The following SART1 variants were observed in gnomAD, a reference collection of about 807,000 sequenced individuals.
The protein encoded by SART1 is spliceosome associated factor 1, recruiter of U4/U6.U5 tri-snRNP.
A neutral mutation model predicts 105.0 loss-of-function variants in SART1; 28 were observed. The observed-to-expected ratio is 0.27, with a 90% CI of 0.20 to 0.37. The LOEUF is 0.37. Ranked by LOEUF, SART1 falls within the 10% of genes least tolerant of loss-of-function variation. SART1 has a pLI of 1.00. For synonymous variants in SART1, 472 were observed against 462.9 expected (o/e 1.02, Z -0.25); for missense variants, 894 against 1,106.5 (o/e 0.81, Z 2.72).
Position 65,967,714 on chromosome 11 carries a change from G to A in SART1, c.1465G>A (p.Val489Met). Residue 489 changes from valine (V) to methionine (M), a missense_variant, in exon 12 of 20, where the codon GTG (valine) becomes ATG (methionine). Physicochemically the swap from Val to Met is conservative, Grantham distance 21. Around this residue, in one of 2 missense-constraint regions of SART1, gnomAD observed 712 missense variants for 778.2 expected, o/e 0.91. Transcript: ENST00000312397. ...AGCTCCACCGCCGGGGTCCCCGCAGGTGCTGGAGGAGGACGAGGCGGAGCT... is the reference window on the plus strand; with the variant it reads ...AGCTCCACCGCCGGGGTCCCCGCAGATGCTGGAGGAGGACGAGGCGGAGCT... ...GGAPPPGSPQ[V>M]LEEDEAELEL... 1 of 1,561,162 alleles carries A rather than the reference G, an allele frequency of 6.4e-7. No homozygotes were observed. The highest frequency in any genetic ancestry group is 8.7e-7 in the Non-Finnish European group (1 of 1,152,662).
At chr11:65,963,821 A>C (rs1855194522) in intron 1 of SART1, among the ~76,000 whole-genome samples, 1 of 152,230 alleles carries the variant, frequency 6.6e-6, no homozygotes, top group South Asian at 2.1e-4. Context: ...AGTAGAGGGC[A>C]GAGTGGTGAC....
Position 65,977,025 on chromosome 11 carries a change from C to A in SART1, c.1869C>A (p.Ser623=). ...EEKQQQDFSA[S]STTILDEEPI... is the part of the protein sequence containing the mutation. ...CACGTGTCCCGTAGTTCTCTGCTTCCTCCACCACCATCCTGGACGAGGAAC... is the reference window on the plus strand; with the variant it reads ...CACGTGTCCCGTAGTTCTCTGCTTCATCCACCACCATCCTGGACGAGGAAC... Residue 623 remains serine, a synonymous_variant, in exon 15 of 20, where the codon TCC becomes TCA. Coordinates refer to ENST00000312397, the MANE Select transcript of SART1 (RefSeq NM_005146.5). The A allele has an allele frequency of 6.2e-7, 1 of 1,613,800 alleles. No homozygotes were observed. The highest frequency in any genetic ancestry group is 8.5e-7 in the Non-Finnish European group (1 of 1,179,738).
chr11:65,974,524 C>A (rs1855445328), intron 12 of SART1, among the ~76,000 whole-genome samples: 1 of 150,960 alleles, frequency 6.6e-6, no homozygotes, highest in African/African-American at 2.4e-5. Flanking sequence ...ACTAAAAATA[C>A]AAAAATTAGC....
chr11:65,967,018 C>T (rs1050288775), intron 9 of SART1, among the ~76,000 whole-genome samples: 1 of 152,096 alleles, frequency 6.6e-6, no homozygotes, highest in African/African-American at 2.4e-5. Flanking sequence ...CCAGACTGCC[C>T]AGCTCTCCCA....
chr11:65,978,463 C>A lies in SART1; in HGVS notation c.2173-137C>A. The stretch of plus-strand genomic sequence containing the variant: ...GGGTGCCAGCGTCTGTGCTCTTTTC[C>A]CATCCCCTTCCCACTGCACCCCAGG... On this transcript the variant is annotated intron_variant, in intron 17 of 19. Transcript: ENST00000312397. The surrounding 1 kb of genome is among the most constrained non-coding windows in gnomAD (Gnocchi z 6.8). The A allele has an allele frequency of 2.5e-6, 2 of 811,540 alleles. No individual in the cohort carries two copies. The highest frequency in any genetic ancestry group is 1.6e-5 in the South Asian group (1 of 62,380). 50.3% of individuals were successfully genotyped at this position (811,540 alleles called of 1,614,324 possible).
chr11:65,972,952 A>C (rs1855409397), intron 12 of SART1, among the ~76,000 whole-genome samples: 1 of 152,206 alleles, frequency 6.6e-6, no homozygotes, highest in African/African-American at 2.4e-5. Context: ...CGGGCGGATC[A>C]CGAGGTCAGG....
Position 65,978,718 on chromosome 11 carries a change from C to T in SART1, c.2262+29C>T, listed in dbSNP as rs977694434. On this transcript the variant is annotated intron_variant, in intron 18 of 19. Coordinates refer to ENST00000312397, the MANE Select transcript of SART1 (RefSeq NM_005146.5). The surrounding 1 kb of genome is among the most constrained non-coding windows in gnomAD (Gnocchi z 6.8). ...GGTGCCCTTGGGGATGTGGGGGGCC[C>T]TGTGCCTGCCGGGGCAGGGGTGGCT... 6.2e-6 allele frequency: 10 copies of T among 1,613,424 alleles called. No homozygotes were observed. In the Admixed American group the frequency reaches 1.7e-4, roughly 27 times the overall value.
rs745609696 is a variant in SART1, at chr11:65,965,685, C to G, written c.661-17C>G. ...TGAGTGGCCTGAAGTCCTAGGTCACCCCTCCCTGTCCCGTAGGCCAAGTTA... is the reference window on the plus strand; with the variant it reads ...TGAGTGGCCTGAAGTCCTAGGTCACGCCTCCCTGTCCCGTAGGCCAAGTTA... On this transcript the variant is annotated splice_polypyrimidine_tract_variant and intron_variant, in intron 5 of 19. Transcript: ENST00000312397. 1.9e-5 allele frequency: 31 copies of G among 1,610,754 alleles called. No individual in the cohort carries two copies. The highest frequency in any genetic ancestry group is 2.5e-5 in the Non-Finnish European group (30 of 1,178,152).
In SART1 at chr11:65,967,334, G is replaced by T; in HGVS notation, c.1264G>T (p.Asp422Tyr). 1 of 1,614,174 alleles carries T rather than the reference G, an allele frequency of 6.2e-7. No homozygotes were observed. Among genetic ancestry groups the T allele is most frequent in the South Asian group, 1.1e-5 (1 of 91,080 alleles). The change falls in exon 10 of 20, where the codon GAC becomes TAC. Residue 422 changes from aspartate to tyrosine, a missense_variant. Physicochemically the swap from Asp to Tyr is radical, Grantham distance 160 (BLOSUM62 -3). Transcript: ENST00000312397. ...GAAGGAGGTAGTAGTGCGGGCAGAT[G>T]ACTTGCTGCCTCTCGGGGACCAGAC... ...KEKEVVVRAD[D>Y]LLPLGDQTQD...
In SART1 at chr11:65,976,432, G is replaced by A. The variant is rs773748792; in HGVS notation, c.1610G>A (p.Arg537Gln). Reference protein sequence around the residue: ...EIVKKLESRQRGWEEDEDPER... With the variant: ...EIVKKLESRQQGWEEDEDPER... ...GTGAAGAAGCTGGAGTCTCGCCAGC[G>A]GGGCTGGGAGGAGGATGAGGATCCC... is the stretch of plus-strand genomic sequence containing the variant. The change falls in exon 13 of 20, where the codon CGG becomes CAG. Residue 537 changes from arginine (R) to glutamine (Q), a missense_variant. By Grantham distance (43) the Arg-to-Gln change is conservative. Transcript: ENST00000312397. This position sits in a 1 kb window ranked among gnomAD's most constrained non-coding sequence, Gnocchi z 5.1. The A allele has an allele frequency of 4.5e-6, 7 of 1,562,454 alleles. No individual in the cohort carries two copies. The highest frequency in any genetic ancestry group is 5.2e-6 in the Non-Finnish European group (6 of 1,156,844).
chr11:65,964,161 GTTTTT>G (rs1855201712), intron 2 of SART1, 30 bp downstream of exon 2: 1 of 1,604,108 alleles, frequency 6.2e-7, no homozygotes, highest in Non-Finnish European at 8.5e-7. Flanking sequence ...TTTCTACTTT[GTTTTT>G]CTAAGAGAGG....
chr11:65,976,589 C>T lies in SART1; in HGVS notation c.1746+21C>T. On this transcript the variant is annotated intron_variant, in intron 13 of 19. Coordinates refer to ENST00000312397, the MANE Select transcript of SART1 (RefSeq NM_005146.5). This position sits in a 1 kb window ranked among gnomAD's most constrained non-coding sequence, Gnocchi z 5.1. ...TCATGGTGCGTCTGGGGCGGCCCCG[C>T]CCTCTGCTTCCCTCGGCTGGGTGGG... 3 of 1,613,448 alleles carry T rather than the reference C, an allele frequency of 1.9e-6. No homozygotes were observed. The highest frequency in any genetic ancestry group is 2.2e-5 in the South Asian group (2 of 91,060).
chr11:65,976,508 C>G lies in SART1; in HGVS notation c.1686C>G (p.Thr562=). Residue 562 remains threonine, a synonymous_variant, in exon 13 of 20, where the codon ACC becomes ACG. Coordinates refer to ENST00000312397, the MANE Select transcript of SART1 (RefSeq NM_005146.5). This position sits in a 1 kb window ranked among gnomAD's most constrained non-coding sequence, Gnocchi z 5.1. ...ACGCCACGTCCGAGTTCTGCCGCAC[C>G]TTGGGGGAGATCCCCACCTACGGGC... is the stretch of plus-strand genomic sequence containing the variant. The part of the protein sequence containing the change: ...VFNATSEFCR[T]LGEIPTYGLA... 6.3e-7 allele frequency: 1 copy of G among 1,598,560 alleles called. No homozygotes were observed. Among genetic ancestry groups the G allele is most frequent in the African/African-American group, 1.3e-5 (1 of 74,706 alleles).
rs777825120 is a variant in SART1 at position 65,967,665 on chromosome 11, T to G, written c.1430-14T>G. ...GGAGATGGTCTGAGCAGGCATCCCC[T>G]GTGTTTCCCCCAGAGGAAGGTGGAG... On this transcript the variant is annotated splice_polypyrimidine_tract_variant and intron_variant, in intron 11 of 19. Transcript: ENST00000312397. 6.3e-7 allele frequency: 1 copy of G among 1,580,512 alleles called. No individual in the cohort carries two copies. The highest frequency in any genetic ancestry group is 2.3e-5 in the East Asian group (1 of 43,686).
At chr11:65,973,998 G>T (rs1266220904) in intron 12 of SART1, among the ~76,000 whole-genome samples, 2 of 152,038 alleles carry the variant, frequency 1.3e-5, no homozygotes, top group Non-Finnish European at 2.9e-5. Flanking sequence ...TCAAGTCTGG[G>T]CAGGGCATTA....
intron 12 of SART1, among the ~76,000 whole-genome samples, chr11:65,972,732 G>A (rs1855402746): frequency 6.7e-6 from 1 of 150,004 alleles, no homozygotes; most frequent in Non-Finnish European, 1.5e-5. Context: ...GACTATAGCT[G>A]ACTATATCAC....
chr11:65,975,173 G>A (rs1299026410), intron 12 of SART1, among the ~76,000 whole-genome samples: 7 of 147,014 alleles, frequency 4.8e-5, no homozygotes, highest in South Asian at 2.1e-4. Flanking sequence ...GCAAGATCAC[G>A]GCTCACCATA....
chr11:65,966,386 G>C lies in SART1; in HGVS notation c.1018G>C (p.Glu340Gln). ...PRSILSKYDE[E>Q]LEGERPHSFR... ...CTCTATCCTGTCCAAGTATGACGAA[G>C]AGCTTGAAGGGGAGCGGCCACATTC... Residue 340 changes from glutamate to glutamine, a missense_variant, in exon 9 of 20, where the codon GAG becomes CAG. Physicochemically the swap from Glu to Gln is conservative, Grantham distance 29. Around this residue, in one of 2 missense-constraint regions of SART1, gnomAD observed 712 missense variants for 778.2 expected, o/e 0.91. Coordinates refer to ENST00000312397, the MANE Select transcript of SART1 (RefSeq NM_005146.5). 6.2e-7 allele frequency: 1 copy of C among 1,614,006 alleles called. No individual in the cohort carries two copies. Among genetic ancestry groups the C allele is most frequent in the Non-Finnish European group, 8.5e-7 (1 of 1,180,034 alleles).
At chr11:65,963,914 C>G in intron 1 of SART1, 160 bp from the exon 2 acceptor site, 1 of 638,646 alleles carries the variant, frequency 1.6e-6, no homozygotes, top group South Asian at 1.9e-5. Context: ...GGCAGAGGAG[C>G]TGCTGGGGAG....
Sources: gnomAD v4.1 joint callset for allele counts (sites outside exome capture counted in the v4.1 genomes callset) on GRCh38, gnomAD v4.1.1 for gene constraint, gnomAD v4.1.1 regional missense constraint, Gnocchi (gnomAD v3.1) non-coding constraint, MANE v1.5 for transcripts, NCBI Gene and HGNC (gene_info 2026-07-23, HGNC 2026-07-21) for gene names.